Variants in SORCS2 observed in about 807,000 individuals in gnomAD.
SORCS2 encodes VPS10 domain-containing receptor SorCS2.
A neutral mutation model predicts 141.6 loss-of-function variants in SORCS2; 100 were observed. The ratio of observed to expected loss-of-function variants is 0.71; its 90% CI spans 0.60 to 0.83. The LOEUF is 0.83. SORCS2 is among the 40% of genes least tolerant of loss of function. The pLI, the probability that SORCS2 is intolerant of heterozygous loss-of-function variation, is 0.00. For missense variants in SORCS2, 1,646 were observed against 1,560.2 expected (o/e 1.05, Z -0.93); for synonymous variants, 789 against 676.9 (o/e 1.17, Z -2.57).
chr4:7,476,193 A>AG (rs1174626767), intron 2 of SORCS2, among the ~76,000 whole-genome samples: 2 of 152,258 alleles, frequency 1.3e-5, no homozygotes, highest in Admixed American at 1.3e-4. Flanking sequence ...GCTAGAGGAC[A>AG]GGTACTCAAG....
At chr4:7,687,750 C>T (rs985045571) in intron 10 of SORCS2, among the ~76,000 whole-genome samples, 1 of 152,166 alleles carries the variant, frequency 6.6e-6, no homozygotes, top group Admixed American at 6.5e-5. Flanking sequence ...GCACAGTTCA[C>T]CTTTCAAATG....
At chr4:7,597,673 G>T (rs1717370972) in intron 3 of SORCS2, among the ~76,000 whole-genome samples, 1 of 149,798 alleles carries the variant, frequency 6.7e-6, no homozygotes, top group Non-Finnish European at 1.5e-5. Flanking sequence ...TGCCATAGAG[G>T]GAGGGGCTAC....
intron 3 of SORCS2, among the ~76,000 whole-genome samples, chr4:7,551,290 CTT>C (rs1181911359): frequency 6.6e-6 from 1 of 152,118 alleles, no homozygotes; most frequent in Non-Finnish European, 1.5e-5. Flanking sequence ...CATGGGTCTT[CTT>C]CTTCCAGTTT....
chr4:7,717,935 C>T (rs1048236200), intron 17 of SORCS2, 77 bp from the exon 18 acceptor site: 11 of 1,427,102 alleles, frequency 7.7e-6, no homozygotes, highest in East Asian at 2.7e-5. Flanking sequence ...GTGGCAAGCA[C>T]GTCCCTCCCC....
chr4:7,729,583 G>A lies in SORCS2; in HGVS notation c.2983-4G>A, dbSNP rs1544402. 0.41 allele frequency: 642,779 copies of A among 1,576,872 alleles called. 134,578 individuals carry two copies. The highest frequency in any genetic ancestry group is 0.54 in the Admixed American group (29,117 of 54,232). On this transcript the variant is annotated splice_polypyrimidine_tract_variant and splice_region_variant and intron_variant, in intron 22 of 26. Transcript: ENST00000507866. Reference sequence around the variant, plus strand: ...GGACCAAAGTGGCTTAACTCTCCCCGCAGGAGACCAGCGTCCCTCAGGAGC... The same window carrying A: ...GGACCAAAGTGGCTTAACTCTCCCCACAGGAGACCAGCGTCCCTCAGGAGC...
At chr4:7,509,206 C>G (rs1242429239) in intron 2 of SORCS2, among the ~76,000 whole-genome samples, 1 of 152,166 alleles carries the variant, frequency 6.6e-6, no homozygotes, top group Non-Finnish European at 1.5e-5. Flanking sequence ...TCGCTGCCCC[C>G]CCAGAGCAAG....
chr4:7,280,839 C>T (rs1715829626), intron 1 of SORCS2, among the ~76,000 whole-genome samples: 1 of 152,156 alleles, frequency 6.6e-6, no homozygotes, highest in Admixed American at 6.5e-5. Flanking sequence ...ATGATATAAC[C>T]CAAGTACAGT....
chr4:7,324,012 C>A (rs995943979), intron 1 of SORCS2, among the ~76,000 whole-genome samples: 1 of 152,232 alleles, frequency 6.6e-6, no homozygotes, highest in Non-Finnish European at 1.5e-5. Flanking sequence ...GAGGCCCACA[C>A]CATCCTTACG....
chr4:7,330,407 C>G (rs530359954), intron 1 of SORCS2, among the ~76,000 whole-genome samples: 1 of 151,942 alleles, frequency 6.6e-6, no homozygotes, highest in Admixed American at 6.6e-5. Flanking sequence ...AAGGTGCCTG[C>G]GCCCTCTCTG....
intron 1 of SORCS2, among the ~76,000 whole-genome samples, chr4:7,215,009 C>G (rs62289676): frequency 0.32 from 48,020 of 151,814 alleles, 8,252 homozygotes; most frequent in Non-Finnish European, 0.39. Flanking sequence ...CGTCCTCTGC[C>G]TGGGCTCCCA....
At chr4:7,552,122 C>T (rs986903457) in intron 3 of SORCS2, among the ~76,000 whole-genome samples, 4 of 152,188 alleles carry the variant, frequency 2.6e-5, no homozygotes, top group African/African-American at 9.7e-5. Context: ...TATGCATCCT[C>T]CAAAGTCCTG....
intron 23 of SORCS2, among the ~76,000 whole-genome samples, chr4:7,732,715 A>C (rs1711801167): frequency 6.6e-6 from 1 of 151,242 alleles, no homozygotes; most frequent in Non-Finnish European, 1.5e-5. Flanking sequence ...CATTTCCCCA[A>C]CTTGGCACAC....
At chr4:7,530,258 C>T (rs549462970) in intron 2 of SORCS2, among the ~76,000 whole-genome samples, 203 of 152,344 alleles carry the variant, frequency 1.3e-3, no homozygotes, top group African/African-American at 4.6e-3. Flanking sequence ...CTAGGTGAGT[C>T]TGAGAAGCAC....
At chr4:7,612,187 G>A (rs1259339673) in intron 3 of SORCS2, among the ~76,000 whole-genome samples, 5 of 152,304 alleles carry the variant, frequency 3.3e-5, no homozygotes, top group East Asian at 3.9e-4. Flanking sequence ...GCCAGGATGC[G>A]GGAGTTTCAT....
intron 2 of SORCS2, among the ~76,000 whole-genome samples, chr4:7,417,662 C>A (rs978611483): frequency 1.3e-5 from 2 of 152,010 alleles, no homozygotes; most frequent in African/African-American, 4.8e-5. Flanking sequence ...CGGAACGTGG[C>A]CCTTGGCCCC....
intron 3 of SORCS2, among the ~76,000 whole-genome samples, chr4:7,584,603 C>T (rs951089637): frequency 6.6e-6 from 1 of 152,302 alleles, no homozygotes; most frequent in African/African-American, 2.4e-5. Context: ...ACTACTCTCA[C>T]TCTAAGAAAC....
chr4:7,646,961 G>T (rs536458315), intron 4 of SORCS2, among the ~76,000 whole-genome samples: 1 of 152,316 alleles, frequency 6.6e-6, no homozygotes, highest in South Asian at 2.1e-4. Context: ...ACCAGAGGGG[G>T]TTTGGTGGGA....
chr4:7,401,093 A>G (rs531477051), intron 2 of SORCS2, among the ~76,000 whole-genome samples: 3 of 151,176 alleles, frequency 2.0e-5, no homozygotes, highest in Admixed American at 6.6e-5. Context: ...ATACATGGAT[A>G]GATGAATGGA....
intron 1 of SORCS2, among the ~76,000 whole-genome samples, chr4:7,328,330 C>T (rs574155138): frequency 2.7e-5 from 4 of 150,116 alleles, no homozygotes; most frequent in Admixed American, 1.3e-4. Flanking sequence ...GCCACCGCAC[C>T]CGGCCCGTGC....
Sources: gnomAD v4.1 joint callset for allele counts (sites outside exome capture counted in the v4.1 genomes callset) on GRCh38, gnomAD v4.1.1 for gene constraint, MANE v1.5 for transcripts, NCBI Gene and HGNC (gene_info 2026-07-23, HGNC 2026-07-21) for gene names.